C1orf105: variants seen among roughly 807,000 people sequenced by gnomAD.
C1orf105 encodes uncharacterized protein C1orf105.
In C1orf105, 17 loss-of-function variants were observed where a neutral mutation model predicts 20.8. That is an observed-to-expected ratio of 0.82 (90% CI 0.56 to 1.23). The LOEUF is 1.23. Among genes scored for constraint, C1orf105 ranks in the 50% most tolerant of loss-of-function variants. C1orf105 has a pLI of 0.00. For missense variants in C1orf105, 219 were observed against 213.5 expected (o/e 1.03, Z -0.16); for synonymous variants, 72 against 72.1 (o/e 1.00, Z 0.01).
chr1:172,460,156 A>C (rs1397309692), intron 4 of C1orf105, among the ~76,000 whole-genome samples: 1 of 152,162 alleles, frequency 6.6e-6, no homozygotes, highest in Non-Finnish European at 1.5e-5. Flanking sequence ...TATACTAAAA[A>C]CTACTAAATT....
At chr1:172,466,943 T>C (rs1366104371) in intron 6 of C1orf105, among the ~76,000 whole-genome samples, 3 of 152,156 alleles carry the variant, frequency 2.0e-5, no homozygotes, top group Non-Finnish European at 4.4e-5. Flanking sequence ...TGCTCTTGTA[T>C]GTGCTCTTAG....
In C1orf105 at chr1:172,466,696, T is replaced by C. The variant is rs151082372; in HGVS notation, c.406+1333T>C. On this transcript the variant is annotated intron_variant, in intron 6 of 6. Transcript: ENST00000367727. ...TAGAGAACAATGTAACAAGATGCCT[T>C]TCATCAATGTATTATCTCTGGGAGT... 3.0e-3 allele frequency among the ~76,000 whole-genome samples: 463 copies of C among 152,208 alleles called. 2 individuals carry two copies. Among genetic ancestry groups the C allele is most frequent in the African/African-American group, 0.01 (434 of 41,516 alleles).
intron 1 of C1orf105, chr1:172,430,474 C>T (rs2071841168): frequency 3.4e-6 from 2 of 584,698 alleles, no homozygotes. Context: ...CAGGGTCTTG[C>T]TTTTTGCCCA....
At chr1:172,463,566 A>T (rs983271298) in intron 5 of C1orf105, among the ~76,000 whole-genome samples, 1 of 152,224 alleles carries the variant, frequency 6.6e-6, no homozygotes, top group Non-Finnish European at 1.5e-5. Context: ...GAGCTCTTAT[A>T]TGATAAAAGT....
chr1:172,465,214 T>A, intron 5 of C1orf105, 85 bp from the exon 6 acceptor site: 1 of 592,852 alleles, frequency 1.7e-6, no homozygotes, highest in Non-Finnish European at 2.6e-6. Flanking sequence ...AATAAATAAA[T>A]AAAAATAAAA....
Position 172,432,908 on chromosome 1 carries a change from T to C in C1orf105, c.21+12002T>C, listed in dbSNP as rs181514714. Among the ~76,000 whole-genome samples the C allele has an allele frequency of 1.2e-3, 187 of 152,212 alleles. 1 individual carries two copies. Among genetic ancestry groups the C allele is most frequent in the African/African-American group, 4.0e-3 (166 of 41,516 alleles). ...GAATGGCTAACTAGAATAAACACCA[T>C]AGACAAGACCTCAAATGACCTGATG... On this transcript the variant is annotated intron_variant, in intron 1 of 6. Coordinates refer to ENST00000367727, the MANE Select transcript of C1orf105 (RefSeq NM_139240.4).
chr1:172,456,287 A>T (rs1316903696), intron 3 of C1orf105, 128 bp from the exon 4 acceptor site: 1 of 758,784 alleles, frequency 1.3e-6, no homozygotes, highest in Non-Finnish European at 2.3e-6. Flanking sequence ...CTGAGACCAG[A>T]GTGCCCATCT....
rs921662340 is a variant in C1orf105, at chr1:172,433,239, G to A, written c.22-11834G>A. Among the ~76,000 whole-genome samples the A allele has an allele frequency of 5.9e-5, 9 of 152,186 alleles. No homozygotes were observed. The South Asian group carries it at 6.2e-4, about 11-fold the overall frequency. ...CAAGGCAGGCCAACATTCAAATTCA[G>A]GAAATACACAGAACACCACAAAGAT... On this transcript the variant is annotated intron_variant, in intron 1 of 6. Coordinates refer to ENST00000367727, the MANE Select transcript of C1orf105 (RefSeq NM_139240.4).
chr1:172,458,903 A>C (rs1359888173), intron 4 of C1orf105, among the ~76,000 whole-genome samples: 1 of 152,206 alleles, frequency 6.6e-6, no homozygotes, highest in Non-Finnish European at 1.5e-5. Context: ...GTTTATAAAC[A>C]ATTGATTTTT....
intron 1 of C1orf105, 52 bp downstream of exon 1, chr1:172,420,958 G>T (rs756604344): frequency 6.5e-7 from 1 of 1,537,676 alleles, no homozygotes; most frequent in South Asian, 1.1e-5. Context: ...GGGTTACCCT[G>T]GTAAATGTTT....
intron 1 of C1orf105, among the ~76,000 whole-genome samples, chr1:172,434,412 C>G (rs1052843215): frequency 6.6e-6 from 1 of 152,172 alleles, no homozygotes; most frequent in African/African-American, 2.4e-5. Flanking sequence ...TCTCTCAGAC[C>G]ACAGTGCAAT....
At chr1:172,456,690 A>G (rs1191020727) in intron 4 of C1orf105, among the ~76,000 whole-genome samples, 1 of 152,184 alleles carries the variant, frequency 6.6e-6, no homozygotes, top group Non-Finnish European at 1.5e-5. Context: ...TCAACAAGCT[A>G]AAGGGTAACC....
intron 1 of C1orf105, among the ~76,000 whole-genome samples, chr1:172,435,528 T>A (rs1034110023): frequency 6.6e-6 from 1 of 152,184 alleles, no homozygotes; most frequent in Non-Finnish European, 1.5e-5. Context: ...AGAAAAGGTC[T>A]TTGACAAAAT....
intron 1 of C1orf105, chr1:172,430,996 T>A: frequency 1.8e-6 from 1 of 548,112 alleles, no homozygotes; most frequent in Non-Finnish European, 3.2e-6. Flanking sequence ...TGGATATGTG[T>A]GTGTGTTCTG....
chr1:172,462,184 C>G lies in C1orf105; in HGVS notation c.280C>G (p.Pro94Ala). The G allele has an allele frequency of 6.2e-7, 1 of 1,608,468 alleles. No individual in the cohort carries two copies. Among genetic ancestry groups the G allele is most frequent in the South Asian group, 1.1e-5 (1 of 90,056 alleles). Residue 94 changes from proline to alanine, a missense_variant, in exon 5 of 7, where the codon CCA (proline) becomes GCA (alanine). By Grantham distance (27) the Pro-to-Ala change is conservative. Transcript: ENST00000367727. ...ATGAGACTTTCTTCTTGAGGTACAACCAAGAACAATGAAAATCCCAGATGA... is the reference window on the plus strand; with the variant it reads ...ATGAGACTTTCTTCTTGAGGTACAAGCAAGAACAATGAAAATCCCAGATGA... ...STCQEMKMVQPRTMKIPDDPK... is the reference protein window; with the variant it reads ...STCQEMKMVQARTMKIPDDPK...
chr1:172,430,320 A>G (rs2071836163), intron 1 of C1orf105: 2 of 701,980 alleles, frequency 2.8e-6, no homozygotes, highest in African/African-American at 3.5e-5. Context: ...GCAGCCCACA[A>G]AGAGGCATGC....
chr1:172,445,324 A>C (rs766276603), intron 2 of C1orf105, among the ~76,000 whole-genome samples, 166 bp downstream of exon 2: 19 of 152,248 alleles, frequency 1.2e-4, no homozygotes, highest in Non-Finnish European at 2.5e-4. Flanking sequence ...GAAAAAAATG[A>C]TCACTGAGTA....
At chr1:172,438,134 A>G (rs2072102895) in intron 1 of C1orf105, among the ~76,000 whole-genome samples, 1 of 152,174 alleles carries the variant, frequency 6.6e-6, no homozygotes, top group South Asian at 2.1e-4. Flanking sequence ...CAGAAAAAAA[A>G]AAGATTCCTT....
intron 1 of C1orf105, chr1:172,442,065 A>C (rs745756762): frequency 8.7e-6 from 14 of 1,614,120 alleles, no homozygotes; most frequent in Non-Finnish European, 5.1e-6. Flanking sequence ...CCAAGCATAC[A>C]GAAGCAAAGA....
Sources: gnomAD v4.1 joint callset for allele counts (sites outside exome capture counted in the v4.1 genomes callset) on GRCh38, gnomAD v4.1.1 for gene constraint, MANE v1.5 for transcripts, NCBI Gene and HGNC (gene_info 2026-07-23, HGNC 2026-07-21) for gene names.